ABHD12: variants seen among roughly 807,000 people sequenced by gnomAD.
ABHD12 encodes the protein lysophosphatidylserine lipase ABHD12.
In ABHD12, 43 loss-of-function variants were observed where a neutral mutation model predicts 58.3. The ratio of observed to expected loss-of-function variants is 0.74; its 90% CI spans 0.58 to 0.95. ABHD12 has a LOEUF of 0.95. Among genes scored for constraint, ABHD12 ranks in the 40% least tolerant of loss-of-function variants. ABHD12 has a pLI of 0.00. For missense variants in ABHD12, 539 were observed against 537.2 expected, an observed-to-expected ratio of 1.00 and a Z score of -0.03; for synonymous variants, 219 against 211.2, an observed-to-expected ratio of 1.04 and a Z score of -0.32.
rs568336346 is a variant in ABHD12, at chr20:25,355,363, G to C, written c.192-16012C>G. Among the ~76,000 whole-genome samples, 20 of 152,236 alleles carry C rather than the reference G, an allele frequency of 1.3e-4. No homozygotes were observed. The South Asian group carries it at 3.7e-3, about 28-fold the overall frequency. On this transcript the variant is annotated intron_variant, in intron 1 of 12. Coordinates refer to ENST00000339157, the MANE Select transcript of ABHD12 (RefSeq NM_001042472.3). ...GGGCAATATAGAAAAAAAAAGCTGAGCTCATCATGCTTAAGAAGAAATGCT... is the reference window on the plus strand; with the variant it reads ...GGGCAATATAGAAAAAAAAAGCTGACCTCATCATGCTTAAGAAGAAATGCT...
chr20:25,323,475 ATACACACATG>A lies in ABHD12; in HGVS notation c.317-55_317-46del, dbSNP rs1568728650. ...GGAAATTAGGATTACTGGTGGATGA[ATACACACATG>A]TACACACAAACATGCATACTCACAC... On this transcript the variant is annotated intron_variant, in intron 2 of 12. Transcript: ENST00000339157. 4 of 1,212,672 alleles carry A rather than the reference ATACACACATG, an allele frequency of 3.3e-6. No homozygotes were observed. The Admixed American group carries it at 5.0e-5, about 15-fold the overall frequency. 75.1% of individuals were successfully genotyped at this position (1,212,672 alleles called of 1,614,324 possible).
chr20:25,356,253 C>T (rs971366584), intron 1 of ABHD12, among the ~76,000 whole-genome samples: 4 of 152,222 alleles, frequency 2.6e-5, no homozygotes, highest in African/African-American at 4.8e-5. Flanking sequence ...CCTGAGACTG[C>T]GGAGGTTTTG....
chr20:25,333,897 G>C lies in ABHD12; in HGVS notation c.316+5330C>G, dbSNP rs534054076. ...GAAGCATTCCCTTTGAAAACTGGCA[G>C]AAGACAGGGATGCCCTCTCTCACCA... is the stretch of plus-strand genomic sequence containing the variant. On this transcript the variant is annotated intron_variant, in intron 2 of 12. Transcript: ENST00000339157. 8.5e-4 allele frequency among the ~76,000 whole-genome samples: 130 copies of C among 152,242 alleles called. 1 individual carries two copies. The highest frequency in any genetic ancestry group is 3.7e-3 in the South Asian group (18 of 4,818).
Position 25,373,484 on chromosome 20 carries a change from T to C in ABHD12, c.191+17029A>G, listed in dbSNP as rs6037098. Reference sequence around the variant, plus strand: ...ATTGCTTGAATCCGGAAGATGAAGGTTGCAGTGAGCAGAGATTGTGCCACT... The same window carrying C: ...ATTGCTTGAATCCGGAAGATGAAGGCTGCAGTGAGCAGAGATTGTGCCACT... On this transcript the variant is annotated intron_variant, in intron 1 of 12. Coordinates refer to ENST00000339157, the MANE Select transcript of ABHD12 (RefSeq NM_001042472.3). Among the ~76,000 whole-genome samples the C allele has an allele frequency of 8.7e-3, 1,325 of 152,064 alleles. 23 individuals carry two copies. The highest frequency in any genetic ancestry group is 0.03 in the African/African-American group (1,261 of 41,462).
At chr20:25,347,919 A>G (rs2089541797) in intron 1 of ABHD12, among the ~76,000 whole-genome samples, 1 of 151,772 alleles carries the variant, frequency 6.6e-6, no homozygotes, top group Non-Finnish European at 1.5e-5. Flanking sequence ...AAAAAAAAAA[A>G]AAGGAAAAAA....
At position 25,390,608 on chromosome 20, in the gene ABHD12, G is replaced by A; in HGVS notation, c.96C>T (p.Ala32=). The A allele has an allele frequency of 1.4e-6, 2 of 1,468,026 alleles. No homozygotes were observed. 90.9% of individuals were successfully genotyped at this position (1,468,026 alleles called of 1,614,324 possible). A position where few individuals can be genotyped will look rare whatever the true frequency, so the allele number is the denominator to read the frequency against. ...GTAGGTTCTGCTTCAGGCGGCAGTC[G>A]GCGTCCAGCGCCGCGGCGGCCGAGC... ...SSGSAAAALD[A]DCRLKQNLRL... Residue 32 remains alanine, a synonymous_variant, in exon 1 of 13, where the codon GCC becomes GCT. Transcript: ENST00000339157.
chr20:25,352,884 T>TA (rs1381430239), intron 1 of ABHD12, among the ~76,000 whole-genome samples: 40 of 150,188 alleles, frequency 2.7e-4, no homozygotes, highest in Admixed American at 1.6e-3. Context: ...TGTCTTAATT[T>TA]AAAAAAAAAA....
At chr20:25,385,539 G>A (rs1226763296) in intron 1 of ABHD12, among the ~76,000 whole-genome samples, 4 of 151,980 alleles carry the variant, frequency 2.6e-5, no homozygotes, top group South Asian at 2.1e-4. Context: ...AGTAGTTACC[G>A]AAGTGCTATA....
At chr20:25,328,954 C>T (rs1001779982) in intron 2 of ABHD12, among the ~76,000 whole-genome samples, 1 of 152,184 alleles carries the variant, frequency 6.6e-6, no homozygotes, top group East Asian at 1.9e-4. Flanking sequence ...CAGTATTACT[C>T]TAAATGAGCA....
chr20:25,312,886 T>TGTGGA, intron 6 of ABHD12, among the ~76,000 whole-genome samples: 1 of 141,406 alleles, frequency 7.1e-6, no homozygotes, highest in African/African-American at 2.7e-5. Flanking sequence ...GTCTGAGAAG[T>TGTGGA]GCGGAGCCCC....
intron 1 of ABHD12, among the ~76,000 whole-genome samples, chr20:25,373,476 G>A (rs537925749): frequency 2.0e-5 from 3 of 152,076 alleles, no homozygotes; most frequent in African/African-American, 7.2e-5. Flanking sequence ...GAATCCGGAA[G>A]ATGAAGGTTG....
Position 25,302,333 on chromosome 20 carries a change from GC to G in ABHD12, c.1042del (p.Ala348ProfsTer38). 6.2e-7 allele frequency: 1 copy of G among 1,613,468 alleles called. No homozygotes were observed. The highest frequency in any genetic ancestry group is 1.1e-5 in the South Asian group (1 of 91,048). On this transcript the variant is annotated frameshift_variant, in exon 12 of 13. Transcript: ENST00000339157. LOFTEE classifies it high-confidence loss of function. ...FQLGRKLYSI[A>X]APARSFRDFK... ...ATCTCGGAAGCTTCGAGCTGGTGCG[GC>G]GATGCTATAGAGCTGGGGAGAGAGG...
chr20:25,300,195 C>T (rs561325248), downstream of ABHD12: 49 of 994,910 alleles, frequency 4.9e-5, no homozygotes, highest in Admixed American at 2.2e-4. Context: ...ACCCTTCTCG[C>T]GCTGCAGAGA....
chr20:25,321,947 G>T (rs1028249888), intron 3 of ABHD12, among the ~76,000 whole-genome samples: 1 of 152,192 alleles, frequency 6.6e-6, no homozygotes, highest in Non-Finnish European at 1.5e-5. Flanking sequence ...ATGTCTGAAT[G>T]TTCTCTCATC....
downstream of ABHD12, chr20:25,296,537 GGCGGGACCA>G: frequency 6.2e-7 from 1 of 1,602,296 alleles, no homozygotes; most frequent in South Asian, 1.1e-5. Context: ...ACCCTGCCTT[GGCGGGACCA>G]GCGGGCATTT....
chr20:25,295,626 G>A (rs1329630446), downstream of ABHD12: 1 of 1,613,972 alleles, frequency 6.2e-7, no homozygotes, highest in Middle Eastern at 1.6e-4. Context: ...TGCAGACTAT[G>A]AAGCCTACAT....
chr20:25,322,362 GATATAT>G (rs1312326738), intron 3 of ABHD12, among the ~76,000 whole-genome samples: 5 of 66,138 alleles, frequency 7.6e-5, no homozygotes, highest in African/African-American at 2.7e-4. Flanking sequence ...TCTTGGAAAA[GATATAT>G]ATATATATAT....
intron 1 of ABHD12, among the ~76,000 whole-genome samples, chr20:25,356,427 G>A (rs370426576): frequency 6.6e-6 from 1 of 152,250 alleles, no homozygotes. Flanking sequence ...TTTCCTTGCA[G>A]GGTGCAGGTC....
chr20:25,368,494 A>G (rs1046480830), intron 1 of ABHD12: 1 of 1,534,632 alleles, frequency 6.5e-7, no homozygotes, highest in Non-Finnish European at 9.0e-7. Flanking sequence ...TAGGACCTGT[A>G]TGCTTTAGGA....
Sources: gnomAD v4.1 joint callset for allele counts (sites outside exome capture counted in the v4.1 genomes callset) on GRCh38, gnomAD v4.1.1 for gene constraint, MANE v1.5 for transcripts, NCBI Gene and HGNC (gene_info 2026-07-23, HGNC 2026-07-21) for gene names.